The following PATJ variants were observed in gnomAD, a reference collection of about 807,000 sequenced individuals.
PATJ encodes the protein inaD-like protein.
A neutral mutation model predicts 224.9 loss-of-function variants in PATJ; 190 were observed. The ratio of observed to expected loss-of-function variants is 0.84; its 90% confidence interval spans 0.75 to 0.95. PATJ has a LOEUF of 0.95. Among genes scored for constraint, PATJ ranks in the 40% least tolerant of loss-of-function variants. The probability of loss-of-function intolerance (pLI) is 0.00; values close to 1 mark genes in which losing one functional copy is unlikely to be tolerated. For synonymous variants in PATJ, 769 were observed against 820.3 expected (o/e 0.94, Z 1.07); for missense variants, 2,121 against 2,270.3 (o/e 0.93, Z 1.34).
intron 26 of PATJ, among the ~76,000 whole-genome samples, chr1:61,920,352 G>A (rs905864421): frequency 5.3e-5 from 8 of 152,068 alleles, no homozygotes; most frequent in Non-Finnish European, 7.4e-5. Flanking sequence ...TGCTACTCTC[G>A]TGATAGTGTG....
At chr1:62,052,229 A>G (rs1038249576) in intron 31 of PATJ, among the ~76,000 whole-genome samples, 17 of 152,190 alleles carry the variant, frequency 1.1e-4, no homozygotes, top group Non-Finnish European at 2.9e-5. Context: ...CATTTGAGAA[A>G]TCATCCATTT....
At chr1:62,050,818 A>G (rs1653465630) in intron 30 of PATJ, 148 bp from the exon 31 acceptor site, 2 of 650,168 alleles carry the variant, frequency 3.1e-6, no homozygotes, top group African/African-American at 3.7e-5. Flanking sequence ...GTCTTCTGCT[A>G]GAAAGAAAGA....
chr1:61,820,861 A>G (rs567825428), intron 14 of PATJ, among the ~76,000 whole-genome samples: 1 of 152,206 alleles, frequency 6.6e-6, no homozygotes, highest in South Asian at 2.1e-4. Flanking sequence ...GATGAGTGGT[A>G]AACTGTTAAT....
intron 14 of PATJ, among the ~76,000 whole-genome samples, chr1:61,811,599 T>C (rs1261805823): frequency 6.6e-6 from 1 of 151,430 alleles, no homozygotes; most frequent in Non-Finnish European, 1.5e-5. Context: ...TACACTAAAC[T>C]CTTAGATATT....
chr1:62,107,304 T>C (rs1219933441), intron 33 of PATJ, among the ~76,000 whole-genome samples: 1 of 143,518 alleles, frequency 7.0e-6, no homozygotes, highest in Non-Finnish European at 1.5e-5. Flanking sequence ...AGAGTCCATC[T>C]CAAAAAAAAA....
Position 61,762,855 on chromosome 1 carries a change from T to C in PATJ, c.-35-3T>C, listed in dbSNP as rs184010935. 6.8e-4 allele frequency: 940 copies of C among 1,373,284 alleles called. 7 individuals are homozygous for C. In the African/African-American group the frequency reaches 0.012, roughly 18 times the overall value. The allele number at this position is 1,373,284 out of a possible 1,614,324, so 85.1% of individuals were successfully genotyped here. On this transcript the variant is annotated splice_region_variant and splice_polypyrimidine_tract_variant and intron_variant, in intron 1 of 43. Transcript: ENST00000642238. ...CTTTTATATTGTTAAATTTTTTCTT[T>C]AGGTGTCTTTAAGAGTGATTGAAGA...
intron 43 of PATJ, among the ~76,000 whole-genome samples, chr1:62,159,224 C>T (rs1052055270): frequency 1.3e-5 from 2 of 152,104 alleles, no homozygotes; most frequent in Admixed American, 6.6e-5. Flanking sequence ...ACAGAGTTTA[C>T]TCTTTTTGCC....
rs190303619 is a variant in PATJ at position 62,072,000 on chromosome 1, C to T, written c.4126-7450C>T. On this transcript the variant is annotated intron_variant, in intron 31 of 43. Coordinates refer to ENST00000642238, the MANE Select transcript of PATJ (RefSeq NM_001350145.3). ...CAGTCTCTCCTGTTCCCTGCTTTGT[C>T]CAAACCCAGTTGCAGGAATTTATGC... 6.6e-5 allele frequency among the ~76,000 whole-genome samples: 10 copies of T among 152,254 alleles called. No homozygotes were observed. In the East Asian group the frequency reaches 1.7e-3, roughly 26 times the overall value.
In PATJ at chr1:62,076,490, A is replaced by G. The variant is rs144281807; in HGVS notation, c.4126-2960A>G. On this transcript the variant is annotated intron_variant, in intron 31 of 43. Transcript: ENST00000642238. ...TACACAGTAGTTTGGTTTTGTGCCAATGAATGAGTCATGGGAACACTCCTT... is the reference window on the plus strand; with the variant it reads ...TACACAGTAGTTTGGTTTTGTGCCAGTGAATGAGTCATGGGAACACTCCTT... 1.3e-4 allele frequency among the ~76,000 whole-genome samples: 20 copies of G among 152,284 alleles called. No homozygotes were observed. The East Asian group carries it at 3.7e-3, about 28-fold the overall frequency.
intron 22 of PATJ, among the ~76,000 whole-genome samples, 199 bp from the exon 23 acceptor site, chr1:61,899,384 C>G (rs921223622): frequency 6.6e-6 from 1 of 151,982 alleles, no homozygotes; most frequent in Non-Finnish European, 1.5e-5. Flanking sequence ...TTTTCTAATG[C>G]TGGGTGGGGA....
At chr1:61,865,845 C>T (rs1411175255) in intron 20 of PATJ, among the ~76,000 whole-genome samples, 1 of 152,130 alleles carries the variant, frequency 6.6e-6, no homozygotes, top group Non-Finnish European at 1.5e-5. Flanking sequence ...CAGGTGTTCT[C>T]TCAGTGGGCA....
In PATJ at chr1:61,822,853, G is replaced by T. The variant is rs1019520031; in HGVS notation, c.1684-92G>T. 9 of 1,421,464 alleles carry T rather than the reference G, an allele frequency of 6.3e-6. No homozygotes were observed. The African/African-American group carries it at 1.3e-4, about 20-fold the overall frequency. 88.1% of individuals were successfully genotyped at this position (1,421,464 alleles called of 1,614,324 possible). A position where few individuals can be genotyped will look rare whatever the true frequency, so the allele number is the denominator to read the frequency against. On this transcript the variant is annotated intron_variant, in intron 14 of 43. Transcript: ENST00000642238. The stretch of plus-strand genomic sequence containing the variant: ...ATTTTGGTGATCTAATTCAAGAGGT[G>T]GGGTTTTTCACTTCAAAATAGCACT...
At chr1:61,896,661 C>A (rs1467029165) in intron 22 of PATJ, among the ~76,000 whole-genome samples, 3 of 152,114 alleles carry the variant, frequency 2.0e-5, no homozygotes, top group Non-Finnish European at 4.4e-5. Flanking sequence ...TGTACCCACC[C>A]AAATTTCATC....
At chr1:61,768,285 C>T (rs1378614405) in intron 4 of PATJ, among the ~76,000 whole-genome samples, 4 of 151,776 alleles carry the variant, frequency 2.6e-5, no homozygotes, top group South Asian at 2.1e-4. Flanking sequence ...CTGGCTAACA[C>T]GGTGAAACCC....
At chr1:61,869,296 CG>C (rs1665950450) in intron 20 of PATJ, among the ~76,000 whole-genome samples, 1 of 151,444 alleles carries the variant, frequency 6.6e-6, no homozygotes, top group Non-Finnish European at 1.5e-5. Flanking sequence ...TTAGTAGAGA[CG>C]GGGTTTCACC....
intron 17 of PATJ, among the ~76,000 whole-genome samples, chr1:61,855,035 G>A (rs977315448): frequency 1.3e-5 from 2 of 152,124 alleles, no homozygotes; most frequent in African/African-American, 2.4e-5. Context: ...CAGTGGAATC[G>A]TCCATGGTTT....
At chr1:62,048,276 G>T (rs1558091896) in intron 30 of PATJ, among the ~76,000 whole-genome samples, 1 of 152,098 alleles carries the variant, frequency 6.6e-6, no homozygotes. Flanking sequence ...GCCGGGCGTG[G>T]TGGCTCACAC....
chr1:62,072,073 T>TAA (rs540392592), intron 31 of PATJ, among the ~76,000 whole-genome samples: 1 of 149,024 alleles, frequency 6.7e-6, no homozygotes, highest in African/African-American at 2.5e-5. Flanking sequence ...ATGTGCCTAT[T>TAA]AAAAAAAAAA....
chr1:62,006,002 T>A (rs1344416344), intron 28 of PATJ, among the ~76,000 whole-genome samples: 2 of 152,226 alleles, frequency 1.3e-5, no homozygotes, highest in Non-Finnish European at 2.9e-5. Context: ...AATTAATATT[T>A]CCATTCCTAG....
Sources: gnomAD v4.1 joint callset for allele counts (sites outside exome capture counted in the v4.1 genomes callset) on GRCh38, gnomAD v4.1.1 for gene constraint, MANE v1.5 for transcripts, NCBI Gene and HGNC (gene_info 2026-07-23, HGNC 2026-07-21) for gene names.